CCDC175: variants seen among roughly 807,000 people sequenced by gnomAD.
CCDC175 encodes coiled-coil domain containing 175, also known as coiled-coil domain-containing protein 175.
A neutral mutation model predicts 114.6 loss-of-function variants in CCDC175; 100 were observed. The observed-to-expected ratio is 0.87, with a 90% CI of 0.74 to 1.03. CCDC175 has a LOEUF of 1.03. CCDC175 is among the 50% of genes least tolerant of loss of function. CCDC175 has a pLI of 0.00. For synonymous variants in CCDC175, 306 were observed against 308.7 expected, an observed-to-expected ratio of 0.99 and a Z score of 0.09; for missense variants, 880 against 917.8, an observed-to-expected ratio of 0.96 and a Z score of 0.53.
chr14:59,554,509 A>G (rs1009004050), intron 7 of CCDC175, among the ~76,000 whole-genome samples: 5 of 152,232 alleles, frequency 3.3e-5, no homozygotes, highest in Non-Finnish European at 1.5e-5. Context: ...CACAAGAGAA[A>G]GCAGGAAAGA....
At chr14:59,544,371 T>C (rs1004528987) in intron 9 of CCDC175, among the ~76,000 whole-genome samples, 16 of 152,144 alleles carry the variant, frequency 1.1e-4, no homozygotes, top group African/African-American at 3.9e-4. Flanking sequence ...TTTCAAGTAG[T>C]TATTTTTTTG....
In CCDC175 at chr14:59,565,269, C is replaced by T; in HGVS notation, c.498G>A (p.Lys166=). Reference sequence around the variant, plus strand: ...CATGCTTCCTTGCTAGCTCTTCCTGCTTCTCCCTGGGAGGAAAGAATTGCT... The same window carrying T: ...CATGCTTCCTTGCTAGCTCTTCCTGTTTCTCCCTGGGAGGAAAGAATTGCT... ...LTKYNEALGE[K]QEELARKHAR... is the part of the protein sequence containing the mutation. Residue 166 remains lysine (K), a synonymous_variant, in exon 5 of 20, where the codon AAG becomes AAA. Coordinates refer to ENST00000537690, the MANE Select transcript of CCDC175 (RefSeq NM_001164399.2). The T allele has an allele frequency of 2.0e-6, 3 of 1,536,388 alleles. No individual in the cohort carries two copies. Among genetic ancestry groups the T allele is most frequent in the Non-Finnish European group, 2.6e-6 (3 of 1,146,602 alleles).
intron 6 of CCDC175, 91 bp downstream of exon 6, chr14:59,563,646 A>G: frequency 1.3e-6 from 1 of 784,616 alleles, no homozygotes; most frequent in Non-Finnish European, 1.7e-6. Flanking sequence ...ACATCCTCTC[A>G]GCATGACATG....
intron 17 of CCDC175, 54 bp downstream of exon 17, chr14:59,521,520 A>T: frequency 1.1e-6 from 1 of 919,792 alleles, no homozygotes; most frequent in Non-Finnish European, 1.7e-6. Flanking sequence ...ATATCCTATT[A>T]GTTCTGTCCC....
intron 15 of CCDC175, among the ~76,000 whole-genome samples, chr14:59,526,095 G>A (rs1893717602): frequency 6.6e-6 from 1 of 152,074 alleles, no homozygotes; most frequent in Admixed American, 6.6e-5. Context: ...GAAAGAAGAA[G>A]ATTATGAATT....
At chr14:59,508,397 A>AACACACAC (rs1892548459) in intron 19 of CCDC175, among the ~76,000 whole-genome samples, 1 of 14,782 alleles carries the variant, frequency 6.8e-5, no homozygotes, top group Non-Finnish European at 1.2e-4. Context: ...TCGTCTCCAA[A>AACACACAC]ATACACACAC....
At chr14:59,569,576 A>T (rs1896735348) in intron 3 of CCDC175, among the ~76,000 whole-genome samples, 1 of 152,220 alleles carries the variant, frequency 6.6e-6, no homozygotes, top group African/African-American at 2.4e-5. Flanking sequence ...AACCCAATCT[A>T]GAAACTAAAG....
At chr14:59,549,367 G>T (rs1895314889) in intron 8 of CCDC175, among the ~76,000 whole-genome samples, 1 of 152,136 alleles carries the variant, frequency 6.6e-6, no homozygotes, top group Admixed American at 6.5e-5. Context: ...TTAAAAATTA[G>T]CTGGGCATGG....
intron 19 of CCDC175, among the ~76,000 whole-genome samples, chr14:59,509,311 A>G (rs1489359841): frequency 6.6e-6 from 1 of 152,112 alleles, no homozygotes; most frequent in Non-Finnish European, 1.5e-5. Flanking sequence ...CCCACAAAGG[A>G]TCCTTTATGC....
chr14:59,570,765 G>A (rs1210387784), intron 3 of CCDC175, among the ~76,000 whole-genome samples: 2 of 130,820 alleles, frequency 1.5e-5, no homozygotes, highest in African/African-American at 2.8e-5. Context: ...GTTTTGAGAT[G>A]AAGTCTCGCT....
chr14:59,571,799 C>A (rs1406596301), intron 3 of CCDC175, among the ~76,000 whole-genome samples: 1 of 152,060 alleles, frequency 6.6e-6, no homozygotes, highest in Non-Finnish European at 1.5e-5. Flanking sequence ...TACAATCTAG[C>A]AATTCTGCTT....
chr14:59,561,286 C>T, intron 6 of CCDC175, 58 bp from the exon 7 acceptor site: 1 of 831,430 alleles, frequency 1.2e-6, no homozygotes. Context: ...TTCATAACAG[C>T]AGTTCAATTC....
At chr14:59,516,837 G>A (rs1210742131) in intron 17 of CCDC175, among the ~76,000 whole-genome samples, 1 of 152,144 alleles carries the variant, frequency 6.6e-6, no homozygotes, top group Non-Finnish European at 1.5e-5. Context: ...GCATCATCCT[G>A]ATACCAAAGC....
At chr14:59,567,861 G>A (rs1013622263) in intron 4 of CCDC175, among the ~76,000 whole-genome samples, 1 of 152,170 alleles carries the variant, frequency 6.6e-6, no homozygotes. Context: ...TATAATCCCT[G>A]CAAGATTTCT....
intron 7 of CCDC175, among the ~76,000 whole-genome samples, chr14:59,551,690 A>T (rs1325952556): frequency 3.3e-5 from 5 of 152,246 alleles, no homozygotes; most frequent in Non-Finnish European, 7.3e-5. Flanking sequence ...CCTAGGAAGC[A>T]CAAGGGGTAA....
intron 1 of CCDC175, among the ~76,000 whole-genome samples, chr14:59,575,700 G>A (rs1006799125): frequency 6.6e-6 from 1 of 152,064 alleles, no homozygotes; most frequent in Non-Finnish European, 1.5e-5. Flanking sequence ...AGTAGAGACG[G>A]GGTTTCACCA....
chr14:59,544,592 T>C lies in CCDC175; in HGVS notation c.1172+571A>G, dbSNP rs148114240. ...CAACATGATGAAGAAATAGAGAGAT[T>C]TGGGTAATTTTTACTCTCTAAGCTA... is the stretch of plus-strand genomic sequence containing the variant. On this transcript the variant is annotated intron_variant, in intron 9 of 19. Coordinates refer to ENST00000537690, the MANE Select transcript of CCDC175 (RefSeq NM_001164399.2). Among the ~76,000 whole-genome samples, 7 of 152,230 alleles carry C rather than the reference T, an allele frequency of 4.6e-5. No individual in the cohort carries two copies. The East Asian group carries it at 1.2e-3, about 25-fold the overall frequency.
chr14:59,574,358 G>A (rs1315123462), intron 2 of CCDC175, among the ~76,000 whole-genome samples: 1 of 152,106 alleles, frequency 6.6e-6, no homozygotes, highest in Non-Finnish European at 1.5e-5. Flanking sequence ...ATCCTTGGCC[G>A]AACAGAGATG....
At position 59,506,290 on chromosome 14, in the gene CCDC175, T is replaced by C. The variant is rs4991273; in HGVS notation, c.2306-975A>G. 6.1e-3 allele frequency among the ~76,000 whole-genome samples: 857 copies of C among 140,852 alleles called. 3 individuals are homozygous for C. The highest frequency in any genetic ancestry group is 9.5e-3 in the Admixed American group (132 of 13,832). The allele number at this position is 140,852 out of a possible 152,430, so 92.4% of individuals were successfully genotyped here. A position where few individuals can be genotyped will look rare whatever the true frequency, so the allele number is the denominator to read the frequency against. On this transcript the variant is annotated intron_variant, in intron 19 of 19. Coordinates refer to ENST00000537690, the MANE Select transcript of CCDC175 (RefSeq NM_001164399.2). ...GAGCACAGGGATTTTTTTTTTTTTT[T>C]CTTTTTTTTTTTTTGAGACAGTGTC...
Sources: allele counts gnomAD v4.1 joint callset (sites outside exome capture counted in the v4.1 genomes callset), GRCh38; gene constraint gnomAD v4.1.1; transcripts MANE v1.5; gene names NCBI Gene and HGNC (gene_info 2026-07-23, HGNC 2026-07-21).